The following SLC7A2 variants were observed in gnomAD, a reference collection of about 807,000 sequenced individuals.
The protein encoded by SLC7A2 is cationic amino acid transporter 2.
Under a neutral mutation model 58.9 loss-of-function variants are expected in SLC7A2, and 48 were observed. The ratio of observed to expected loss-of-function variants is 0.82; its 90% CI spans 0.65 to 1.04. The LOEUF is 1.04. SLC7A2 is among the 50% of genes least tolerant of loss of function. The pLI is 0.00. For missense variants in SLC7A2, 1,029 were observed against 818.8 expected (o/e 1.26, Z -3.13); for synonymous variants, 363 against 314.5 (o/e 1.15, Z -1.63).
At chr8:17,540,721 A>G (rs886385911) in intron 2 of SLC7A2, among the ~76,000 whole-genome samples, 5 of 152,092 alleles carry the variant, frequency 3.3e-5, no homozygotes, top group African/African-American at 1.2e-4. Context: ...AGGTTTGTTT[A>G]TTGGTCGACT....
chr8:17,501,609 G>A (rs776598273), intron 1 of SLC7A2, among the ~76,000 whole-genome samples: 39 of 151,974 alleles, frequency 2.6e-4, no homozygotes, highest in Non-Finnish European at 4.0e-4. Flanking sequence ...TTCTTGATAC[G>A]GGACTTTATA....
Position 17,565,206 on chromosome 8 carries a change from G to GT in SLC7A2, c.*61dup. 7.6e-7 allele frequency: 1 copy of GT among 1,309,006 alleles called. No homozygotes were observed. The highest frequency in any genetic ancestry group is 1.1e-6 in the Non-Finnish European group (1 of 941,968). The allele number at this position is 1,309,006 out of a possible 1,614,324, so 81.1% of individuals were successfully genotyped here. A position where few individuals can be genotyped will look rare whatever the true frequency, so the allele number is the denominator to read the frequency against. ...ATACATATCCTACACTGAGTAAACC[G>GT]TAACGGGATGTCATCAGCATGCTGG... On this transcript the variant is annotated 3_prime_UTR_variant, in exon 13 of 13. Transcript: ENST00000494857.
intron 2 of SLC7A2, among the ~76,000 whole-genome samples, chr8:17,518,970 G>A (rs1311968427): frequency 6.6e-6 from 1 of 152,142 alleles, no homozygotes; most frequent in African/African-American, 2.4e-5. Flanking sequence ...TCAGTTGGTA[G>A]AGAGAGAACA....
intron 2 of SLC7A2, among the ~76,000 whole-genome samples, chr8:17,517,061 G>A (rs1184005218): frequency 6.6e-6 from 1 of 152,146 alleles, no homozygotes; most frequent in African/African-American, 2.4e-5. Context: ...AATTCTATAC[G>A]AAAAGTTCAA....
intron 1 of SLC7A2, among the ~76,000 whole-genome samples, chr8:17,499,498 C>G (rs948137083): frequency 2.0e-5 from 3 of 151,242 alleles, no homozygotes; most frequent in Non-Finnish European, 4.4e-5. Context: ...AGAACAGAAT[C>G]TTGGGAGCAC....
chr8:17,534,139 C>G (rs2588231), intron 2 of SLC7A2, among the ~76,000 whole-genome samples: 1 of 151,878 alleles, frequency 6.6e-6, no homozygotes, highest in Non-Finnish European at 1.5e-5. Context: ...GTGTATATAC[C>G]ACATTTTCTT....
At position 17,533,146 on chromosome 8, in the gene SLC7A2, T is replaced by C. The variant is rs1286347698; in HGVS notation, c.-22-10172T>C. Among the ~76,000 whole-genome samples the C allele has an allele frequency of 2.6e-5, 4 of 152,156 alleles. No homozygotes were observed. The East Asian group carries it at 7.7e-4, about 29-fold the overall frequency. On this transcript the variant is annotated intron_variant, in intron 2 of 12. Coordinates refer to ENST00000494857, the MANE Select transcript of SLC7A2 (RefSeq NM_001370338.1). ...TTTCTCTGAGCACACAATGGGAGTA[T>C]TTTATTCAGATTTATCTGAAGCCAG...
chr8:17,552,071 A>G (rs913499969), intron 7 of SLC7A2, 85 bp downstream of exon 7: 1 of 965,896 alleles, frequency 1.0e-6, no homozygotes, highest in Non-Finnish European at 1.6e-6. Context: ...GTCTGTTTAA[A>G]AAGTATCCTA....
At chr8:17,535,894 C>A (rs1207824803) in intron 2 of SLC7A2, among the ~76,000 whole-genome samples, 5 of 152,012 alleles carry the variant, frequency 3.3e-5, no homozygotes, top group Non-Finnish European at 5.9e-5. Context: ...AAGAGGGACA[C>A]TCCATCTCAA....
chr8:17,523,585 C>T (rs190029128), intron 2 of SLC7A2, among the ~76,000 whole-genome samples: 18 of 152,098 alleles, frequency 1.2e-4, no homozygotes, highest in Admixed American at 4.6e-4. Flanking sequence ...ACTGGATCCT[C>T]ATCTCTCAAC....
chr8:17,533,506 T>C (rs983545238), intron 2 of SLC7A2, among the ~76,000 whole-genome samples: 16 of 152,330 alleles, frequency 1.1e-4, no homozygotes, highest in African/African-American at 3.8e-4. Context: ...ATTCTAACAA[T>C]TAATTAAATT....
chr8:17,564,461 A>G (rs556314057), intron 12 of SLC7A2, among the ~76,000 whole-genome samples: 1 of 152,254 alleles, frequency 6.6e-6, no homozygotes, highest in East Asian at 1.9e-4. Context: ...TTACATTTGC[A>G]TTTCATTCTT....
At chr8:17,529,615 C>CTA (rs906876373) in intron 2 of SLC7A2, among the ~76,000 whole-genome samples, 1 of 151,334 alleles carries the variant, frequency 6.6e-6, no homozygotes, top group African/African-American at 2.4e-5. Context: ...ACTGCAACCT[C>CTA]TATCTACCTC....
At chr8:17,498,383 T>C (rs189677760) in intron 1 of SLC7A2, among the ~76,000 whole-genome samples, 4 of 152,352 alleles carry the variant, frequency 2.6e-5, no homozygotes, top group Admixed American at 2.0e-4. Flanking sequence ...CTCCGGAAGG[T>C]GAAACATTCT....
rs760631482 is a variant in SLC7A2, at chr8:17,567,831, A to G, written c.*2685A>G. 6.6e-6 allele frequency: 1 copy of G among 152,196 alleles called. No homozygotes were observed. Among genetic ancestry groups the G allele is most frequent in the Non-Finnish European group, 1.5e-5 (1 of 68,038 alleles). The allele number at this position is 152,196 out of a possible 1,614,324, so 9.4% of individuals were successfully genotyped here. A position where few individuals can be genotyped will look rare whatever the true frequency, so the allele number is the denominator to read the frequency against. On this transcript the variant is annotated 3_prime_UTR_variant, in exon 13 of 13. Transcript: ENST00000494857. ...ATATGAAATCACTAAACTCTAGTAC[A>G]TTATAGCAGGTGCTTTGTAATCTGG...
At position 17,554,689 on chromosome 8, in the gene SLC7A2, T is replaced by C. The variant is rs149871171; in HGVS notation, c.1185T>C (p.Gly395=). 1.8e-5 allele frequency: 29 copies of C among 1,610,696 alleles called. No individual in the cohort carries two copies. In the African/African-American group the frequency reaches 2.3e-4, roughly 13 times the overall value. ...CAATAATTGCTACTTTATCATCGGGTGCAGTGGCAGGTGAGAGAGAGTTGA... is the reference window on the plus strand; with the variant it reads ...CAATAATTGCTACTTTATCATCGGGCGCAGTGGCAGGTGAGAGAGAGTTGA... ...KTPIIATLSS[G]AVAALMAFLF... The change falls in exon 8 of 13, where the codon GGT becomes GGC. Residue 395 remains glycine (G), a synonymous_variant. Coordinates refer to ENST00000494857, the MANE Select transcript of SLC7A2 (RefSeq NM_001370338.1).
At chr8:17,505,586 T>C (rs74328142) in intron 2 of SLC7A2, among the ~76,000 whole-genome samples, 2,737 of 152,302 alleles carry the variant, frequency 0.018, 68 homozygotes, top group African/African-American at 0.062. Flanking sequence ...CTCGTAGATT[T>C]CAATGTCTTC....
At chr8:17,534,932 C>T (rs924695382) in intron 2 of SLC7A2, among the ~76,000 whole-genome samples, 3 of 152,120 alleles carry the variant, frequency 2.0e-5, no homozygotes, top group African/African-American at 7.2e-5. Context: ...GCTCTGTTGT[C>T]CACCTGTATC....
At chr8:17,548,376 G>C (rs1348063692) in intron 4 of SLC7A2, among the ~76,000 whole-genome samples, 2 of 152,176 alleles carry the variant, frequency 1.3e-5, no homozygotes, top group African/African-American at 2.4e-5. Flanking sequence ...CATTTACCTT[G>C]AAATTAGATG....
Sources: allele counts gnomAD v4.1 joint callset (sites outside exome capture counted in the v4.1 genomes callset), GRCh38; gene constraint gnomAD v4.1.1; transcripts MANE v1.5; gene names NCBI Gene and HGNC (gene_info 2026-07-23, HGNC 2026-07-21).